The following SPECC1 variants were observed in gnomAD, a reference collection of about 807,000 sequenced individuals.
SPECC1 encodes the protein sperm antigen with calponin homology and coiled-coil domains 1.
In SPECC1, 62 loss-of-function variants were observed where a neutral mutation model predicts 104.1. The observed-to-expected ratio is 0.60, with a 90% CI of 0.49 to 0.74. SPECC1 has a LOEUF of 0.74. Among genes scored for constraint, SPECC1 ranks in the 30% least tolerant of loss-of-function variants. The pLI is 0.00. For missense variants in SPECC1, 1,306 were observed against 1,310.5 expected (o/e 1.00, Z 0.05); for synonymous variants, 513 against 501.6 (o/e 1.02, Z -0.30).
At chr17:20,235,101 T>C (rs1400994203) in intron 7 of SPECC1, among the ~76,000 whole-genome samples, 4 of 152,220 alleles carry the variant, frequency 2.6e-5, no homozygotes, top group Non-Finnish European at 5.9e-5. Flanking sequence ...GGGGTCGTTT[T>C]TGAGGTCTCT....
At chr17:20,303,688 C>T (rs2041665739) in intron 13 of SPECC1, among the ~76,000 whole-genome samples, 1 of 152,152 alleles carries the variant, frequency 6.6e-6, no homozygotes, top group Non-Finnish European at 1.5e-5. Flanking sequence ...TGCTGTGGCT[C>T]ACGTCTGTAA....
At chr17:20,141,009 G>A (rs1460280306) in intron 3 of SPECC1, among the ~76,000 whole-genome samples, 1 of 152,214 alleles carries the variant, frequency 6.6e-6, no homozygotes, top group Non-Finnish European at 1.5e-5. Context: ...GGGGCCTGCT[G>A]CCGGGGCCTT....
chr17:20,093,892 C>G (rs4924805), intron 1 of SPECC1, among the ~76,000 whole-genome samples: 75,060 of 150,994 alleles, frequency 0.5, 19,170 homozygotes, highest in Middle Eastern at 0.6. Context: ...CACCACGTCC[C>G]CCTAATTTTT....
At chr17:20,044,985 A>G (rs184832601) in intron 1 of SPECC1, among the ~76,000 whole-genome samples, 34 of 152,366 alleles carry the variant, frequency 2.2e-4, no homozygotes, top group Admixed American at 1.2e-3. Context: ...CCATTTGTTT[A>G]AACATGAAGT....
At chr17:20,106,369 A>G (rs2048196664) in intron 2 of SPECC1, among the ~76,000 whole-genome samples, 1 of 152,106 alleles carries the variant, frequency 6.6e-6, no homozygotes, top group Non-Finnish European at 1.5e-5. Flanking sequence ...GAGTGAAGGG[A>G]TGCTTTTTAC....
chr17:20,033,114 C>T (rs1348180134), intron 1 of SPECC1, among the ~76,000 whole-genome samples: 1 of 152,010 alleles, frequency 6.6e-6, no homozygotes, highest in Admixed American at 6.6e-5. Flanking sequence ...CAGGCATCCA[C>T]CACCATGCCT....
At chr17:20,280,213 G>A (rs765789350) in intron 12 of SPECC1, among the ~76,000 whole-genome samples, 36 of 152,200 alleles carry the variant, frequency 2.4e-4, no homozygotes, top group Non-Finnish European at 4.0e-4. Flanking sequence ...ACAAAGTAGC[G>A]AATGGTGATG....
At chr17:20,294,142 T>C (rs2041263511) in intron 12 of SPECC1, among the ~76,000 whole-genome samples, 1 of 152,128 alleles carries the variant, frequency 6.6e-6, no homozygotes, top group African/African-American at 2.4e-5. Flanking sequence ...CCACCACACC[T>C]GGCTCATTTT....
chr17:20,125,165 G>C (rs986697800), intron 3 of SPECC1, among the ~76,000 whole-genome samples: 7 of 151,764 alleles, frequency 4.6e-5, no homozygotes, highest in African/African-American at 1.7e-4. Flanking sequence ...GGGCGACAGA[G>C]CGAGACTCCA....
At chr17:20,082,152 C>A (rs2046999928) in intron 1 of SPECC1, among the ~76,000 whole-genome samples, 1 of 152,222 alleles carries the variant, frequency 6.6e-6, no homozygotes, top group Non-Finnish European at 1.5e-5. Flanking sequence ...TACTCCTTGC[C>A]TGCTTTTGGG....
chr17:20,283,238 T>C (rs2040834843), intron 12 of SPECC1, among the ~76,000 whole-genome samples: 1 of 152,062 alleles, frequency 6.6e-6, no homozygotes, highest in Non-Finnish European at 1.5e-5. Context: ...GGAGCAGAAA[T>C]GGAAAGGCAT....
At chr17:20,157,066 A>T (rs559265706) in intron 3 of SPECC1, among the ~76,000 whole-genome samples, 1 of 152,018 alleles carries the variant, frequency 6.6e-6, no homozygotes, top group Non-Finnish European at 1.5e-5. Flanking sequence ...TAATATTTGA[A>T]TTTTAATTTG....
intron 3 of SPECC1, among the ~76,000 whole-genome samples, chr17:20,196,907 T>C (rs903319139): frequency 6.6e-6 from 1 of 152,264 alleles, no homozygotes; most frequent in Non-Finnish European, 1.5e-5. Context: ...TGTTTGTATT[T>C]CCCGAAGATT....
intron 10 of SPECC1, among the ~76,000 whole-genome samples, chr17:20,255,754 T>G (rs1192126779): frequency 2.0e-5 from 3 of 152,162 alleles, no homozygotes; most frequent in African/African-American, 7.2e-5. Flanking sequence ...TGTGGGGGGA[T>G]AGAGACAGGG....
chr17:20,246,074 A>G lies in SPECC1; in HGVS notation c.2497+3A>G. 1.2e-6 allele frequency: 2 copies of G among 1,613,652 alleles called. No homozygotes were observed. The highest frequency in any genetic ancestry group is 2.2e-5 in the East Asian group (1 of 44,868). On this transcript the variant is annotated splice_donor_region_variant and intron_variant, in intron 8 of 14. Transcript: ENST00000395527. Reference sequence around the variant, plus strand: ...GTCATTTGACTTGGGACGCCCAGGTATTTAATCATTTTTTCTATAAGCAAA... The same window carrying G: ...GTCATTTGACTTGGGACGCCCAGGTGTTTAATCATTTTTTCTATAAGCAAA...
chr17:20,244,119 C>T (rs1255227500), intron 7 of SPECC1, among the ~76,000 whole-genome samples: 1 of 151,902 alleles, frequency 6.6e-6, no homozygotes, highest in African/African-American at 2.4e-5. Flanking sequence ...CAGCAAGCTA[C>T]GCAGGAGGCT....
At chr17:20,126,695 C>T (rs1271003445) in intron 3 of SPECC1, among the ~76,000 whole-genome samples, 1 of 152,158 alleles carries the variant, frequency 6.6e-6, no homozygotes, top group African/African-American at 2.4e-5. Flanking sequence ...CTGTTTTGTG[C>T]ATGTGTGACC....
At chr17:20,174,849 A>G (rs977074486) in intron 3 of SPECC1, among the ~76,000 whole-genome samples, 1 of 151,954 alleles carries the variant, frequency 6.6e-6, no homozygotes, top group Non-Finnish European at 1.5e-5. Context: ...TGCCGACCTC[A>G]CCAGGGCCTG....
At chr17:20,051,081 TTTC>T (rs1223786395) in intron 1 of SPECC1, among the ~76,000 whole-genome samples, 1 of 56,036 alleles carries the variant, frequency 1.8e-5, no homozygotes, top group Non-Finnish European at 3.6e-5. Flanking sequence ...TCTTTCTTTC[TTTC>T]TTTCTTTCTT....
Sources: allele counts gnomAD v4.1 joint callset (sites outside exome capture counted in the v4.1 genomes callset), GRCh38; gene constraint gnomAD v4.1.1; transcripts MANE v1.5; gene names NCBI Gene and HGNC (gene_info 2026-07-23, HGNC 2026-07-21).